The following CDH8 variants were observed in gnomAD, a reference collection of about 807,000 sequenced individuals.
The protein encoded by CDH8 is cadherin 8.
CDH8 carries 17 observed loss-of-function variants against 68.1 expected under a neutral mutation model. The observed-to-expected ratio is 0.25, with a 90% confidence interval of 0.17 to 0.37. CDH8 has a LOEUF of 0.37. Among genes scored for constraint, CDH8 ranks in the 10% least tolerant of loss-of-function variants. The probability of loss-of-function intolerance (pLI) is 1.00; values close to 1 mark genes in which losing one functional copy is unlikely to be tolerated. For missense variants in CDH8, 763 were observed against 999.3 expected (o/e 0.76, Z 3.19); for synonymous variants, 372 against 365.1 (o/e 1.02, Z -0.21).
At chr16:61,895,476 GCCT>G (rs1277682315) in intron 3 of CDH8, among the ~76,000 whole-genome samples, 1 of 152,038 alleles carries the variant, frequency 6.6e-6, no homozygotes, top group African/African-American at 2.4e-5. Context: ...ATTTAACACA[GCCT>G]CTGGCATATA....
chr16:61,844,610 T>C (rs921611047), intron 4 of CDH8, among the ~76,000 whole-genome samples: 3 of 152,126 alleles, frequency 2.0e-5, no homozygotes, highest in Non-Finnish European at 4.4e-5. Context: ...TAAATGCACT[T>C]TCTCCAAGTC....
intron 8 of CDH8, among the ~76,000 whole-genome samples, chr16:61,738,477 T>A (rs535438631): frequency 6.6e-6 from 1 of 152,270 alleles, no homozygotes; most frequent in South Asian, 2.1e-4. Flanking sequence ...ACATTTACGG[T>A]TGTAAAATTT....
chr16:61,947,681 G>A (rs1156270263), intron 2 of CDH8, among the ~76,000 whole-genome samples: 12 of 152,032 alleles, frequency 7.9e-5, no homozygotes, highest in Admixed American at 7.9e-4. Context: ...TGTTCTACAT[G>A]TTTGTTTTAA....
At chr16:61,677,897 A>T (rs1477433313) in intron 10 of CDH8, among the ~76,000 whole-genome samples, 1 of 151,970 alleles carries the variant, frequency 6.6e-6, no homozygotes, top group Non-Finnish European at 1.5e-5. Context: ...TTTGGAATTA[A>T]GGAAAAGTCG....
rs1035280825 is a variant in CDH8 at position 61,996,769 on chromosome 16, G to C, written c.252+24383C>G. 4.6e-5 allele frequency among the ~76,000 whole-genome samples: 7 copies of C among 152,176 alleles called. No individual in the cohort carries two copies. The East Asian group carries it at 1.4e-3, about 29-fold the overall frequency. On this transcript the variant is annotated intron_variant, in intron 2 of 11. Transcript: ENST00000577390. ...ATTTATATTTATTTTTTGTAGAGGT[G>C]AGGGACTTGCTACATTGCCAAAGCT...
chr16:61,890,474 A>G (rs988716654), intron 3 of CDH8, among the ~76,000 whole-genome samples: 1 of 152,154 alleles, frequency 6.6e-6, no homozygotes, highest in African/African-American at 2.4e-5. Context: ...ATAAATCTGA[A>G]ACACCAATTC....
chr16:61,971,655 T>G (rs946096714), intron 2 of CDH8, among the ~76,000 whole-genome samples: 1 of 152,182 alleles, frequency 6.6e-6, no homozygotes, highest in African/African-American at 2.4e-5. Context: ...CACTGGCCGT[T>G]GGTGATCAAC....
intron 3 of CDH8, among the ~76,000 whole-genome samples, chr16:61,892,645 T>C (rs878892872): frequency 2.6e-5 from 4 of 152,180 alleles, no homozygotes; most frequent in African/African-American, 9.6e-5. Flanking sequence ...TGGAGATTCC[T>C]GTCTCCATTC....
chr16:61,841,776 C>T (rs1444934997), intron 4 of CDH8, among the ~76,000 whole-genome samples: 2 of 151,716 alleles, frequency 1.3e-5, no homozygotes, highest in Admixed American at 1.3e-4. Context: ...CCTCATATAC[C>T]CAATAAATAT....
chr16:61,871,815 C>CAAAAAAAAAAAAAAAAAAAAA (rs144379377), intron 3 of CDH8, among the ~76,000 whole-genome samples: 2 of 43,344 alleles, frequency 4.6e-5, no homozygotes, highest in Non-Finnish European at 8.1e-5. Context: ...GTTCTATATG[C>CAAAAAAAAAAAAAAAAAAAAA]AAAAAAAAAA....
intron 4 of CDH8, among the ~76,000 whole-genome samples, chr16:61,836,529 C>T (rs1962573156): frequency 1.3e-5 from 2 of 152,042 alleles, no homozygotes; most frequent in Admixed American, 1.3e-4. Context: ...TGTAATTGCA[C>T]AACTCTGACT....
intron 3 of CDH8, among the ~76,000 whole-genome samples, chr16:61,865,166 T>C (rs1963230700): frequency 6.6e-6 from 1 of 152,190 alleles, no homozygotes; most frequent in South Asian, 2.1e-4. Flanking sequence ...GATTCTTAAC[T>C]GCAGTCAGGC....
chr16:61,695,859 A>G (rs563243606), intron 10 of CDH8, among the ~76,000 whole-genome samples: 62 of 152,306 alleles, frequency 4.1e-4, no homozygotes, highest in Non-Finnish European at 6.8e-4. Context: ...TTGTGCAGGC[A>G]TTGAAGTGTT....
At chr16:61,807,133 T>C (rs1200224199) in intron 7 of CDH8, among the ~76,000 whole-genome samples, 1 of 149,934 alleles carries the variant, frequency 6.7e-6, no homozygotes, top group Non-Finnish European at 1.5e-5. Context: ...CATGGAATAC[T>C]ATGCAGCCAT....
rs1210142927 is a variant in CDH8 at position 61,782,559 on chromosome 16, A to G, written c.1414+6787T>C. Among the ~76,000 whole-genome samples, 269 of 149,114 alleles carry G rather than the reference A, an allele frequency of 1.8e-3. 1 individual carries two copies. Among genetic ancestry groups the G allele is most frequent in the South Asian group, 0.017 (82 of 4,744 alleles). ...GCTTGCTTAGGTAAACAAAGCAGCC[A>G]GGAAGCTCGAACTGGGTGGAGCCCA... On this transcript the variant is annotated intron_variant, in intron 8 of 11. Transcript: ENST00000577390.
chr16:62,033,280 C>T (rs1035619519), intron 1 of CDH8, among the ~76,000 whole-genome samples: 2 of 152,148 alleles, frequency 1.3e-5, no homozygotes, highest in African/African-American at 4.8e-5. Flanking sequence ...CTGTGTTGAC[C>T]ACAGTTCTAC....
Position 61,856,965 on chromosome 16 carries a change from T to C in CDH8, c.667+154A>G, listed in dbSNP as rs75872082. ...TCGTAATCAGCATCAAAAATGGTTG[T>C]AGGGCTCACTGTGTACCTCATGTCG... On this transcript the variant is annotated intron_variant, in intron 4 of 11. Coordinates refer to ENST00000577390, the MANE Select transcript of CDH8 (RefSeq NM_001796.5). 9.1e-3 allele frequency among the ~76,000 whole-genome samples: 1,388 copies of C among 152,314 alleles called. 24 individuals carry two copies. Among genetic ancestry groups the C allele is most frequent in the African/African-American group, 0.031 (1,284 of 41,574 alleles).
At chr16:61,809,782 G>C (rs1007012714) in intron 7 of CDH8, among the ~76,000 whole-genome samples, 10 of 152,172 alleles carry the variant, frequency 6.6e-5, no homozygotes, top group African/African-American at 2.2e-4. Context: ...GCTGTGCAGA[G>C]CAAAACACAA....
intron 2 of CDH8, chr16:61,918,748 C>G (rs912807001): frequency 1.3e-5 from 2 of 154,692 alleles, no homozygotes; most frequent in Admixed American, 1.3e-4. Context: ...GAGGGGCGCC[C>G]GCCATTGCCC....
Sources: allele counts gnomAD v4.1 joint callset (sites outside exome capture counted in the v4.1 genomes callset), GRCh38; gene constraint gnomAD v4.1.1; transcripts MANE v1.5; gene names NCBI Gene and HGNC (gene_info 2026-07-23, HGNC 2026-07-21).